Variants in WDR45B observed in about 807,000 individuals in gnomAD.
WDR45B encodes the protein WD repeat domain phosphoinositide-interacting protein 3.
A neutral mutation model predicts 44.6 loss-of-function variants in WDR45B; 20 were observed. The ratio of observed to expected loss-of-function variants is 0.45; its 90% CI spans 0.32 to 0.65. WDR45B has a LOEUF of 0.65. WDR45B is among the 30% of genes least tolerant of loss of function. The pLI is 0.05. For missense variants in WDR45B, 323 were observed against 430.2 expected, an observed-to-expected ratio of 0.75 and a Z score of 2.20; for synonymous variants, 169 against 164.9, an observed-to-expected ratio of 1.02 and a Z score of -0.19.
chr17:82,648,137 A>T (rs2046005857), intron 1 of WDR45B, 137 bp downstream of exon 1: 2 of 1,007,200 alleles, frequency 2.0e-6, no homozygotes, highest in Non-Finnish European at 2.8e-6. Flanking sequence ...GGGGCTTCGG[A>T]GGGGAGCTCG....
intron 3 of WDR45B, chr17:82,629,479 G>A: frequency 7.1e-6 from 7 of 984,868 alleles, no homozygotes; most frequent in Non-Finnish European, 8.4e-6. Flanking sequence ...TGCCCCTCTG[G>A]GCTATGCTAG....
intron 2 of WDR45B, among the ~76,000 whole-genome samples, chr17:82,634,168 A>AAAAAAAAAAAAAAAAAAAAC (rs2045805116): frequency 6.7e-6 from 1 of 149,564 alleles, no homozygotes; most frequent in Non-Finnish European, 1.5e-5. Context: ...AAAAAAAAAA[A>AAAAAAAAAAAAAAAAAAAAC]AAAAAAGGCT....
intron 6 of WDR45B, among the ~76,000 whole-genome samples, chr17:82,620,617 C>T (rs1019166486): frequency 2.0e-5 from 3 of 152,146 alleles, no homozygotes; most frequent in Non-Finnish European, 2.9e-5. Context: ...GCACTGTGCC[C>T]ACAAACGGAT....
At chr17:82,624,792 G>C (rs1371517980) in intron 5 of WDR45B, among the ~76,000 whole-genome samples, 1 of 149,496 alleles carries the variant, frequency 6.7e-6, no homozygotes, top group African/African-American at 2.5e-5. Flanking sequence ...CTAATTTTTT[G>C]TATTTTTAGT....
chr17:82,621,039 G>A (rs547010060), intron 6 of WDR45B, among the ~76,000 whole-genome samples: 1 of 148,904 alleles, frequency 6.7e-6, no homozygotes, highest in South Asian at 2.1e-4. Flanking sequence ...CTTGGATGTG[G>A]ACGTATTTTT....
intron 5 of WDR45B, among the ~76,000 whole-genome samples, chr17:82,623,287 T>A (rs978069742): frequency 1.2e-4 from 18 of 149,166 alleles, no homozygotes. Flanking sequence ...CTTGGGGGAC[T>A]GAGGCAGGAG....
chr17:82,626,304 G>A (rs1439624157), intron 4 of WDR45B, among the ~76,000 whole-genome samples: 9 of 151,476 alleles, frequency 5.9e-5, no homozygotes, highest in Non-Finnish European at 1.0e-4. Flanking sequence ...TTGGGAGGCT[G>A]AGGCGGGTGG....
At chr17:82,630,549 T>C (rs1404128313) in intron 3 of WDR45B, among the ~76,000 whole-genome samples, 4 of 152,148 alleles carry the variant, frequency 2.6e-5, no homozygotes, top group Admixed American at 2.0e-4. Context: ...AGTGGTGTTT[T>C]GTTCCACGTG....
chr17:82,641,320 A>G (rs1310762084), intron 2 of WDR45B, among the ~76,000 whole-genome samples: 1 of 152,228 alleles, frequency 6.6e-6, no homozygotes, highest in Non-Finnish European at 1.5e-5. Flanking sequence ...TTCATTAATT[A>G]GGAAGCAGTT....
chr17:82,646,506 A>C (rs1227738700), intron 1 of WDR45B, among the ~76,000 whole-genome samples: 7 of 147,654 alleles, frequency 4.7e-5, no homozygotes, highest in Admixed American at 2.7e-4. Flanking sequence ...AAAAAAAAAA[A>C]AAAAAACCCA....
chr17:82,639,952 T>TGGGCTGCTGGGCTGTGTGGGTCGGGA, intron 2 of WDR45B, among the ~76,000 whole-genome samples: 1 of 139,354 alleles, frequency 7.2e-6, no homozygotes, highest in Non-Finnish European at 1.6e-5. Context: ...TCGGGTCAGG[T>TGGGCTGCTGGGCTGTGTGGGTCGGGA]GGGCTGCTGG....
intron 6 of WDR45B, among the ~76,000 whole-genome samples, chr17:82,620,846 C>T (rs2143261991): frequency 6.6e-6 from 1 of 152,072 alleles, no homozygotes; most frequent in Non-Finnish European, 1.5e-5. Context: ...ACAATGTGTC[C>T]AATACGTCAA....
chr17:82,616,452 T>C, intron 9 of WDR45B, 72 bp downstream of exon 9: 4 of 1,610,466 alleles, frequency 2.5e-6, no homozygotes, highest in African/African-American at 1.3e-5. Context: ...CATGGGAAGT[T>C]AGGTCTGACG....
At chr17:82,632,219 T>C (rs369954943) in intron 2 of WDR45B, among the ~76,000 whole-genome samples, 3 of 152,190 alleles carry the variant, frequency 2.0e-5, no homozygotes, top group African/African-American at 7.2e-5. Flanking sequence ...TTGAGTGCAG[T>C]GAAGTGATCA....
At chr17:82,631,046 C>T in intron 2 of WDR45B, 24 bp from the exon 3 acceptor site, 2 of 1,593,358 alleles carry the variant, frequency 1.3e-6, no homozygotes, top group African/African-American at 1.3e-5. Context: ...TTTAAAAAGA[C>T]CAATGTTACA....
chr17:82,638,565 G>A (rs1389936968), intron 2 of WDR45B, among the ~76,000 whole-genome samples: 1 of 151,778 alleles, frequency 6.6e-6, no homozygotes, highest in African/African-American at 2.4e-5. Flanking sequence ...CTGAATACTG[G>A]CATAACTTCT....
At chr17:82,640,309 G>A (rs1244399915) in intron 2 of WDR45B, among the ~76,000 whole-genome samples, 1 of 151,870 alleles carries the variant, frequency 6.6e-6, no homozygotes, top group Non-Finnish European at 1.5e-5. Context: ...CAATTAAAAA[G>A]GAACAAGGGC....
chr17:82,625,698 G>C, intron 4 of WDR45B: 1 of 562,392 alleles, frequency 1.8e-6, no homozygotes, highest in Non-Finnish European at 3.2e-6. Flanking sequence ...AGTGCTTCTC[G>C]CCTGGGTGAA....
chr17:82,625,319 G>A (rs2045680404), intron 5 of WDR45B, 70 bp downstream of exon 5: 3 of 1,452,042 alleles, frequency 2.1e-6, no homozygotes, highest in Non-Finnish European at 1.9e-6. Context: ...GCTTGGAGAA[G>A]GGAGTGCCCA....
Sources: allele counts gnomAD v4.1 joint callset (sites outside exome capture counted in the v4.1 genomes callset), GRCh38; gene constraint gnomAD v4.1.1; transcripts MANE v1.5; gene names NCBI Gene and HGNC (gene_info 2026-07-23, HGNC 2026-07-21).